HSF1: variants seen among roughly 807,000 people sequenced by gnomAD.
The protein encoded by HSF1 is heat shock factor protein 1.
Under a neutral mutation model 51.7 loss-of-function variants are expected in HSF1, and 32 were observed. The observed-to-expected ratio is 0.62, with a 90% CI of 0.47 to 0.83. HSF1 has a LOEUF of 0.83. Among genes scored for constraint, HSF1 ranks in the 40% least tolerant of loss-of-function variants. The probability of loss-of-function intolerance (pLI) is 0.00; values close to 1 mark genes in which losing one functional copy is unlikely to be tolerated. For synonymous variants in HSF1, 396 were observed against 309.7 expected, an observed-to-expected ratio of 1.28 and a Z score of -2.92; for missense variants, 727 against 717.0, an observed-to-expected ratio of 1.01 and a Z score of -0.16.
intron 9 of HSF1, 77 bp downstream of exon 9, chr8:144,312,321 T>C: frequency 9.0e-7 from 1 of 1,112,238 alleles, no homozygotes; most frequent in Non-Finnish European, 1.3e-6. Context: ...ACTGTCCCAG[T>C]GGACTGAGCA....
rs1417086566 is a variant in HSF1, at chr8:144,313,872, C to T, written c.1275C>T (p.Pro425=). 5.0e-6 allele frequency: 8 copies of T among 1,606,132 alleles called. No homozygotes were observed. The highest frequency in any genetic ancestry group is 2.2e-5 in the East Asian group (1 of 44,658). The change falls in exon 11 of 13, where the codon CCC becomes CCT. Residue 425 remains proline, a synonymous_variant. Transcript: ENST00000528838. The part of the protein sequence containing the change: ...LDLFSPSVTV[P]DMSLPDLDSS... ...TGTTCAGCCCCTCGGTGACCGTGCC[C>T]GACATGAGCCTGCCTGACCTTGACA...
chr8:144,302,950 G>A (rs908671094), intron 1 of HSF1, among the ~76,000 whole-genome samples: 1 of 152,094 alleles, frequency 6.6e-6, no homozygotes, highest in South Asian at 2.1e-4. Flanking sequence ...CACGAAAACC[G>A]CAGCGACAGC....
At position 144,313,982 on chromosome 8, in the gene HSF1, C is replaced by T. The variant is rs1817023900; in HGVS notation, c.1315-3C>T. 1 of 1,611,204 alleles carries T rather than the reference C, an allele frequency of 6.2e-7. No homozygotes were observed. Among genetic ancestry groups the T allele is most frequent in the African/African-American group, 1.3e-5 (1 of 74,414 alleles). ...TGCTCACAATACCGTCTCCACCCCA[C>T]AGATCCAAGAGCTCCTGTCTCCCCA... is the stretch of plus-strand genomic sequence containing the variant. On this transcript the variant is annotated splice_region_variant and splice_polypyrimidine_tract_variant and intron_variant, in intron 11 of 12. Transcript: ENST00000528838.
intron 1 of HSF1, among the ~76,000 whole-genome samples, chr8:144,301,160 C>T (rs1815836808): frequency 6.6e-6 from 1 of 152,054 alleles, no homozygotes; most frequent in Non-Finnish European, 1.5e-5. Context: ...GGCTCCTGCC[C>T]GAAATCCCAG....
At position 144,314,169 on chromosome 8, in the gene HSF1, G is replaced by C; in HGVS notation, c.1429G>C (p.Asp477His). Residue 477 changes from aspartate to histidine, a missense_variant, in exon 13 of 13, where the codon GAC (aspartate) becomes CAC (histidine). Transcript: ENST00000528838. ...CACAGCGCAGCCGCTGTTCCTGCTG[G>C]ACCCCGGCTCCGTGGACACCGGGAG... Reference protein sequence around the residue: ...HYTAQPLFLLDPGSVDTGSND... With the variant: ...HYTAQPLFLLHPGSVDTGSND... The C allele has an allele frequency of 6.5e-7, 1 of 1,548,994 alleles. No homozygotes were observed. Among genetic ancestry groups the C allele is most frequent in the Non-Finnish European group, 8.7e-7 (1 of 1,146,660 alleles).
intron 9 of HSF1, chr8:144,312,762 C>T (rs1477900161): frequency 1.4e-6 from 2 of 1,466,874 alleles, no homozygotes; most frequent in South Asian, 2.4e-5. Context: ...AGCGCTCGGG[C>T]CCTCCCACAC....
intron 10 of HSF1, 61 bp from the exon 11 acceptor site, chr8:144,313,785 C>CCCT: frequency 9.1e-5 from 1 of 10,944 alleles, no homozygotes; most frequent in African/African-American, 7.2e-4. Flanking sequence ...GCCCCGCCTC[C>CCCT]CCGCCCCGCC....
chr8:144,291,672 C>A lies in HSF1; in HGVS notation c.-86C>A, dbSNP rs543515514. ...GTGCGCAGCGGGCGGCGGCGCGGCC[C>A]GGAAGGCTGGCGCGGCGACGGCGTT... is the stretch of plus-strand genomic sequence containing the variant. On this transcript the variant is annotated 5_prime_UTR_variant, in exon 1 of 13. Coordinates refer to ENST00000528838, the MANE Select transcript of HSF1 (RefSeq NM_005526.4). The surrounding 1 kb of genome is among the most constrained non-coding windows in gnomAD (Gnocchi z 4.1). 6.1e-5 allele frequency: 47 copies of A among 770,360 alleles called. No individual in the cohort carries two copies. In the African/African-American group the frequency reaches 8.9e-4, roughly 15 times the overall value. The allele number at this position is 770,360 out of a possible 1,614,324, so 47.7% of individuals were successfully genotyped here. A position where few individuals can be genotyped will look rare whatever the true frequency, so the allele number is the denominator to read the frequency against.
chr8:144,313,488 G>A (rs782596343), intron 9 of HSF1, 23 bp from the exon 10 acceptor site: 1 of 1,524,058 alleles, frequency 6.6e-7, no homozygotes, highest in South Asian at 1.1e-5. Context: ...CACTGGTTCA[G>A]GTACCGCCTT....
Position 144,314,545 on chromosome 8 carries a change from G to T in HSF1, c.*215G>T. 1 of 593,094 alleles carries T rather than the reference G, an allele frequency of 1.7e-6. No individual in the cohort carries two copies. The highest frequency in any genetic ancestry group is 3.0e-6 in the Non-Finnish European group (1 of 333,082). The allele number at this position is 593,094 out of a possible 1,614,324, so 36.7% of individuals were successfully genotyped here. Reference sequence around the variant, plus strand: ...CCCCAACCCCGTGTCCTGTGGTTTGGTTGGGGCTTCACAGCCACACCTGGA... The same window carrying T: ...CCCCAACCCCGTGTCCTGTGGTTTGTTTGGGGCTTCACAGCCACACCTGGA... On this transcript the variant is annotated 3_prime_UTR_variant, in exon 13 of 13. Transcript: ENST00000528838.
chr8:144,309,619 G>A (rs375468130), intron 3 of HSF1, 28 bp downstream of exon 3: 121 of 1,611,290 alleles, frequency 7.5e-5, no homozygotes, highest in South Asian at 1.1e-4. Context: ...ACCCTTGCCC[G>A]GTCTCACCTG....
chr8:144,294,640 C>G (rs1815336695), intron 1 of HSF1, among the ~76,000 whole-genome samples: 1 of 152,266 alleles, frequency 6.6e-6, no homozygotes, highest in African/African-American at 2.4e-5. Context: ...ACGTCCCCTC[C>G]CTGGCCTGAG....
Position 144,309,586 on chromosome 8 carries a change from A to G in HSF1, c.358A>G (p.Thr120Ala), listed in dbSNP as rs1554843904. 1.9e-6 allele frequency: 3 copies of G among 1,613,820 alleles called. No homozygotes were observed. The highest frequency in any genetic ancestry group is 1.3e-5 in the African/African-American group (1 of 75,006). ...CCTTGAGAACATCAAGAGGAAAGTG[A>G]CCAGTGTGAGTGCCGGCCCTGCACC... ...QLLENIKRKV[T>A]SVSTLKSEDI... is the part of the protein sequence containing the mutation. The change falls in exon 3 of 13, where the codon ACC becomes GCC. Residue 120 changes from threonine to alanine, a missense_variant. Physicochemically the swap from Thr to Ala is moderately conservative, Grantham distance 58. Transcript: ENST00000528838.
chr8:144,312,793 C>G, intron 9 of HSF1: 2 of 1,308,304 alleles, frequency 1.5e-6, no homozygotes, highest in East Asian at 5.1e-5. Flanking sequence ...CAGACCCAGC[C>G]TGGCCGGGCA....
In HSF1 at chr8:144,297,198, A is replaced by G. The variant is rs1418275467; in HGVS notation, c.117+5324A>G. Among the ~76,000 whole-genome samples the G allele has an allele frequency of 6.6e-6, 1 of 152,128 alleles. No individual in the cohort carries two copies. Among genetic ancestry groups the G allele is most frequent in the East Asian group, 1.9e-4 (1 of 5,190 alleles). ...AGGAAGCAAGCAGCTCCCATCGGGT[A>G]TATTGAGGGCTGTTGGCTCCAGGGT... On this transcript the variant is annotated intron_variant, in intron 1 of 12. Transcript: ENST00000528838. This position sits in a 1 kb window ranked among gnomAD's most constrained non-coding sequence, Gnocchi z 4.6.
At chr8:144,294,436 C>T (rs1815320349) in intron 1 of HSF1, among the ~76,000 whole-genome samples, 1 of 152,212 alleles carries the variant, frequency 6.6e-6, no homozygotes, top group East Asian at 1.9e-4. Context: ...GGAGAGTCTC[C>T]TTCTGGCTCA....
At chr8:144,296,365 C>T (rs1815457625) in intron 1 of HSF1, among the ~76,000 whole-genome samples, 1 of 152,204 alleles carries the variant, frequency 6.6e-6, no homozygotes, top group Admixed American at 6.5e-5. Flanking sequence ...CCAGCAGGCC[C>T]ACTGGCCCCA....
intron 1 of HSF1, among the ~76,000 whole-genome samples, chr8:144,299,255 AAT>A (rs1295657977): frequency 6.6e-6 from 1 of 151,872 alleles, no homozygotes; most frequent in African/African-American, 2.4e-5. Context: ...CAGCCTGGCC[AAT>A]ATGGTGAAAC....
intron 1 of HSF1, among the ~76,000 whole-genome samples, chr8:144,306,179 G>A (rs1460500644): frequency 6.6e-6 from 1 of 151,654 alleles, no homozygotes; most frequent in Non-Finnish European, 1.5e-5. Flanking sequence ...GTTTCCTTTA[G>A]TTGTTTGAAC....
Sources: allele counts gnomAD v4.1 joint callset (sites outside exome capture counted in the v4.1 genomes callset), GRCh38; gene constraint gnomAD v4.1.1; non-coding constraint Gnocchi (gnomAD v3.1); transcripts MANE v1.5; gene names NCBI Gene and HGNC (gene_info 2026-07-23, HGNC 2026-07-21).